GUCY1A2: variants seen among roughly 807,000 people sequenced by gnomAD.
GUCY1A2 encodes guanylate cyclase 1 soluble subunit alpha 2.
Under a neutral mutation model 63.5 loss-of-function variants are expected in GUCY1A2, and 27 were observed. That is an observed-to-expected ratio of 0.43 (90% confidence interval 0.31 to 0.59). GUCY1A2 has a LOEUF of 0.59. Among genes scored for constraint, GUCY1A2 ranks in the 20% least tolerant of loss-of-function variants. GUCY1A2 has a pLI of 0.11. For missense variants in GUCY1A2, 768 were observed against 913.3 expected (o/e 0.84, Z 2.05); for synonymous variants, 364 against 343.5 (o/e 1.06, Z -0.66).
chr11:106,804,929 G>A (rs998287243), intron 5 of GUCY1A2, among the ~76,000 whole-genome samples: 1 of 152,076 alleles, frequency 6.6e-6, no homozygotes, highest in Admixed American at 6.6e-5. Flanking sequence ...CATATTCCCT[G>A]TGAGTGAGCC....
intron 6 of GUCY1A2, among the ~76,000 whole-genome samples, chr11:106,714,461 T>C (rs1863182257): frequency 6.6e-6 from 1 of 152,318 alleles, no homozygotes; most frequent in South Asian, 2.1e-4. Context: ...TTGTTGCCTA[T>C]ATAAGGAAGT....
At chr11:106,930,250 G>A (rs1405591923) in intron 4 of GUCY1A2, among the ~76,000 whole-genome samples, 3 of 152,172 alleles carry the variant, frequency 2.0e-5, no homozygotes, top group African/African-American at 7.2e-5. Flanking sequence ...ATGAAAACAA[G>A]CTTCAAAAAG....
At chr11:106,915,662 T>C (rs1860360924) in intron 4 of GUCY1A2, among the ~76,000 whole-genome samples, 2 of 145,398 alleles carry the variant, frequency 1.4e-5, no homozygotes, top group South Asian at 4.8e-4. Flanking sequence ...GAAGCATTTC[T>C]AAGTTACTTA....
In GUCY1A2 at chr11:106,906,423, TAA is replaced by T. The variant is rs538933267; in HGVS notation, c.1206+33035_1206+33036del. 5.9e-5 allele frequency among the ~76,000 whole-genome samples: 9 copies of T among 152,244 alleles called. No homozygotes were observed. In the South Asian group the frequency reaches 1.7e-3, roughly 28 times the overall value. ...TCACACCAGTTAGAATGGTGATCAT[TAA>T]AAAGTCAGGCAACAACAAATGCTGG... On this transcript the variant is annotated intron_variant, in intron 4 of 7. Coordinates refer to ENST00000526355, the MANE Select transcript of GUCY1A2 (RefSeq NM_000855.3).
chr11:106,839,767 C>A (rs1314505623), intron 4 of GUCY1A2, among the ~76,000 whole-genome samples: 1 of 150,076 alleles, frequency 6.7e-6, no homozygotes, highest in Non-Finnish European at 1.5e-5. Context: ...GGACAAAAAA[C>A]CAAACACCAC....
intron 3 of GUCY1A2, among the ~76,000 whole-genome samples, chr11:106,972,987 C>T (rs868018997): frequency 7.2e-5 from 11 of 152,110 alleles, no homozygotes; most frequent in South Asian, 2.1e-4. Context: ...AGTGTTTATC[C>T]TTTACATATA....
intron 6 of GUCY1A2, among the ~76,000 whole-genome samples, chr11:106,717,503 C>T (rs952383676): frequency 2.0e-5 from 3 of 152,154 alleles, no homozygotes; most frequent in Non-Finnish European, 4.4e-5. Flanking sequence ...CAAGTTAATA[C>T]ATTCAAATTT....
In GUCY1A2 at chr11:106,812,381, G is replaced by A. The variant is rs928662136; in HGVS notation, c.1207-1903C>T. 2.6e-5 allele frequency among the ~76,000 whole-genome samples: 4 copies of A among 151,060 alleles called. No homozygotes were observed. The East Asian group carries it at 5.9e-4, about 22-fold the overall frequency. ...TCTTTCTTCTCCCTTGCTTCGTGGA[G>A]TTACACTTTTTTCACCCTCCTCTCT... On this transcript the variant is annotated intron_variant, in intron 4 of 7. Transcript: ENST00000526355.
intron 4 of GUCY1A2, 34 bp from the exon 5 acceptor site, chr11:106,810,512 C>T: frequency 6.5e-7 from 1 of 1,533,036 alleles, no homozygotes. Context: ...GATCAGTACT[C>T]TTCACATAGT....
At chr11:106,839,687 G>C (rs962484438) in intron 4 of GUCY1A2, among the ~76,000 whole-genome samples, 1 of 151,700 alleles carries the variant, frequency 6.6e-6, no homozygotes, top group Non-Finnish European at 1.5e-5. Flanking sequence ...CCATAAAAAA[G>C]GATGAGTTCA....
At chr11:106,932,226 T>G (rs1565335669) in intron 4 of GUCY1A2, among the ~76,000 whole-genome samples, 1 of 152,116 alleles carries the variant, frequency 6.6e-6, no homozygotes, top group Non-Finnish European at 1.5e-5. Context: ...GGCTACAATA[T>G]TTCTTGTTAA....
intron 7 of GUCY1A2, among the ~76,000 whole-genome samples, chr11:106,692,764 T>G (rs1862647334): frequency 6.6e-6 from 1 of 152,170 alleles, no homozygotes. Context: ...ATAATATGTA[T>G]GGGACAGGAG....
intron 3 of GUCY1A2, among the ~76,000 whole-genome samples, chr11:106,977,456 C>T (rs1395436120): frequency 3.3e-5 from 5 of 152,268 alleles, no homozygotes; most frequent in Non-Finnish European, 5.9e-5. Context: ...TATAGACAAA[C>T]CACTAACATC....
intron 6 of GUCY1A2, among the ~76,000 whole-genome samples, chr11:106,736,790 G>A (rs1174954089): frequency 2.0e-5 from 3 of 152,020 alleles, no homozygotes; most frequent in Non-Finnish European, 4.4e-5. Flanking sequence ...TTTCTTGTGT[G>A]TCTTCAATTT....
chr11:106,968,077 T>C (rs930199414), intron 3 of GUCY1A2, among the ~76,000 whole-genome samples: 14 of 152,220 alleles, frequency 9.2e-5, no homozygotes, highest in Non-Finnish European at 1.6e-4. Flanking sequence ...ATCCTAAGAA[T>C]TGACTACAGT....
At chr11:106,923,684 A>G (rs2119913157) in intron 4 of GUCY1A2, among the ~76,000 whole-genome samples, 1 of 152,188 alleles carries the variant, frequency 6.6e-6, no homozygotes, top group East Asian at 1.9e-4. Flanking sequence ...GATGGTAACA[A>G]TATATGAAAA....
chr11:106,709,473 T>C (rs1467168529), intron 6 of GUCY1A2, among the ~76,000 whole-genome samples: 1 of 82,690 alleles, frequency 1.2e-5, no homozygotes, highest in Admixed American at 2.0e-4. Context: ...GAATAATATA[T>C]ATTATTATAT....
At chr11:106,776,828 A>G (rs987660409) in intron 5 of GUCY1A2, among the ~76,000 whole-genome samples, 12 of 152,210 alleles carry the variant, frequency 7.9e-5, no homozygotes, top group Non-Finnish European at 1.5e-5. Context: ...AGGAACAACT[A>G]TAATATAAAA....
chr11:106,911,802 G>T (rs998543215), intron 4 of GUCY1A2, among the ~76,000 whole-genome samples: 3 of 151,922 alleles, frequency 2.0e-5, no homozygotes, highest in African/African-American at 7.2e-5. Flanking sequence ...TATCAAATTT[G>T]TATTTATCTT....
Sources: gnomAD v4.1 joint callset for allele counts (sites outside exome capture counted in the v4.1 genomes callset) on GRCh38, gnomAD v4.1.1 for gene constraint, MANE v1.5 for transcripts, NCBI Gene and HGNC (gene_info 2026-07-23, HGNC 2026-07-21) for gene names.